B4GALNT3: variants seen among roughly 807,000 people sequenced by gnomAD.
B4GALNT3 encodes the protein beta-1,4-N-acetylgalactosaminyltransferase 3.
B4GALNT3 carries 86 observed loss-of-function variants against 120.2 expected under a neutral mutation model. The observed-to-expected ratio is 0.72, with a 90% CI of 0.60 to 0.86. The LOEUF is 0.86. Among genes scored for constraint, B4GALNT3 ranks in the 40% least tolerant of loss-of-function variants. B4GALNT3 has a pLI of 0.00. For synonymous variants in B4GALNT3, 518 were observed against 510.4 expected (o/e 1.01, Z -0.20); for missense variants, 1,167 against 1,298.9 (o/e 0.90, Z 1.56).
Position 544,332 on chromosome 12 carries a change from C to A in B4GALNT3, c.352-7C>A. 2 of 1,613,210 alleles carry A rather than the reference C, an allele frequency of 1.2e-6. No individual in the cohort carries two copies. The highest frequency in any genetic ancestry group is 1.7e-6 in the Non-Finnish European group (2 of 1,179,844). ...GCTCACTCACCACTGGCGTCTCCGC[C>A]CTGCAGTTCCGGGGCCGTGCCAACC... is the stretch of plus-strand genomic sequence containing the variant. On this transcript the variant is annotated splice_polypyrimidine_tract_variant and splice_region_variant and intron_variant, in intron 3 of 19. Coordinates refer to ENST00000266383, the MANE Select transcript of B4GALNT3 (RefSeq NM_173593.4).
At chr12:465,220 C>T (rs1397473975) in intron 1 of B4GALNT3, among the ~76,000 whole-genome samples, 2 of 152,166 alleles carry the variant, frequency 1.3e-5, no homozygotes, top group Non-Finnish European at 2.9e-5. Flanking sequence ...CTCCTTTTCA[C>T]GTGTCCGGTT....
At chr12:518,879 C>A (rs1172453085) in intron 1 of B4GALNT3, among the ~76,000 whole-genome samples, 1 of 151,900 alleles carries the variant, frequency 6.6e-6, no homozygotes, top group Non-Finnish European at 1.5e-5. Context: ...TTGGTTGAAT[C>A]CACGGATATG....
intron 1 of B4GALNT3, among the ~76,000 whole-genome samples, chr12:485,693 C>T (rs1036324850): frequency 1.3e-5 from 2 of 152,110 alleles, no homozygotes; most frequent in East Asian, 1.9e-4. Flanking sequence ...CGGAACTGTT[C>T]GTGTAAAATG....
In B4GALNT3 at chr12:548,768, GGT is replaced by G. The variant is rs1439524734; in HGVS notation, c.853+475_853+476del. ...CTACAAAAAATTAAAAAATTAACTG[GGT>G]GTGGTGGCGCATGCCTGTAGTCACA... On this transcript the variant is annotated intron_variant, in intron 9 of 19. Transcript: ENST00000266383. The surrounding 1 kb of genome is among the most constrained non-coding windows in gnomAD (Gnocchi z 4.9). 1.3e-5 allele frequency among the ~76,000 whole-genome samples: 2 copies of G among 152,040 alleles called. No individual in the cohort carries two copies. Among genetic ancestry groups the G allele is most frequent in the Non-Finnish European group, 2.9e-5 (2 of 67,996 alleles).
At chr12:488,548 G>A (rs1019714275) in intron 1 of B4GALNT3, among the ~76,000 whole-genome samples, 2 of 152,202 alleles carry the variant, frequency 1.3e-5, no homozygotes, top group Non-Finnish European at 2.9e-5. Context: ...GGAATATTTT[G>A]TTATTGTAAA....
chr12:527,675 A>T (rs1011341591), intron 1 of B4GALNT3, among the ~76,000 whole-genome samples: 4 of 151,968 alleles, frequency 2.6e-5, no homozygotes, highest in African/African-American at 9.7e-5. Context: ...GCTGGGAGGG[A>T]GCATGAGATG....
At chr12:474,794 C>CA (rs1487608332) in intron 1 of B4GALNT3, among the ~76,000 whole-genome samples, 1 of 151,800 alleles carries the variant, frequency 6.6e-6, no homozygotes, top group Non-Finnish European at 1.5e-5. Flanking sequence ...ACCCTGTCTA[C>CA]AAAAAATATA....
intron 1 of B4GALNT3, among the ~76,000 whole-genome samples, chr12:492,365 C>T (rs1946350387): frequency 6.6e-6 from 1 of 152,284 alleles, no homozygotes; most frequent in South Asian, 2.1e-4. Flanking sequence ...TTAATATTCA[C>T]ATTAGCATCC....
chr12:545,532 A>G, intron 6 of B4GALNT3, 63 bp downstream of exon 6: 2 of 1,454,702 alleles, frequency 1.4e-6, no homozygotes, highest in South Asian at 1.2e-5. Flanking sequence ...TGAGTCCTCC[A>G]GCAGCTGCTC....
At chr12:558,191 GA>G (rs1947182191) in intron 17 of B4GALNT3, 103 bp downstream of exon 17, 18 of 1,300,960 alleles carry the variant, frequency 1.4e-5, no homozygotes, top group Non-Finnish European at 1.9e-5. Flanking sequence ...GGGAGGACGG[GA>G]ATGAGGACAC....
At position 544,112 on chromosome 12, in the gene B4GALNT3, G is replaced by A. The variant is rs554564563; in HGVS notation, c.352-227G>A. On this transcript the variant is annotated intron_variant, in intron 3 of 19. Transcript: ENST00000266383. ...GGGTGCTCATCTTCCTGGAGCTGAG[G>A]AGCTGGGACGGGCATGGGGTGCTCA... Among the ~76,000 whole-genome samples, 5 of 130,770 alleles carry A rather than the reference G, an allele frequency of 3.8e-5. No homozygotes were observed. In the East Asian group the frequency reaches 1.0e-3, roughly 27 times the overall value. The allele number at this position is 130,770 out of a possible 152,430, so 85.8% of individuals were successfully genotyped here. A position where few individuals can be genotyped will look rare whatever the true frequency, so the allele number is the denominator to read the frequency against.
intron 1 of B4GALNT3, among the ~76,000 whole-genome samples, chr12:500,297 C>T (rs1216881446): frequency 1.3e-5 from 2 of 152,188 alleles, no homozygotes; most frequent in African/African-American, 2.4e-5. Flanking sequence ...GCATGAGCCA[C>T]GCCCAGCCAG....
At chr12:511,043 TTTTTTTTTTTTTG>T in intron 1 of B4GALNT3, among the ~76,000 whole-genome samples, 2 of 90,382 alleles carry the variant, frequency 2.2e-5, no homozygotes, top group African/African-American at 4.4e-5. Flanking sequence ...TTTTTTTTTT[TTTTTTTTTTTTTG>T]AGACAGGGTC....
rs377572947 is a variant in B4GALNT3, at chr12:493,990, C to T, written c.169+33445C>T. Among the ~76,000 whole-genome samples, 30 of 152,326 alleles carry T rather than the reference C, an allele frequency of 2.0e-4. No individual in the cohort carries two copies. In the South Asian group the frequency reaches 5.8e-3, roughly 29 times the overall value. On this transcript the variant is annotated intron_variant, in intron 1 of 19. Coordinates refer to ENST00000266383, the MANE Select transcript of B4GALNT3 (RefSeq NM_173593.4). Reference sequence around the variant, plus strand: ...CATCATTAGAAAAAGGCCTGGTTGGCCAGGCACAGTGGCTCATGCTTGTAA... The same window carrying T: ...CATCATTAGAAAAAGGCCTGGTTGGTCAGGCACAGTGGCTCATGCTTGTAA...
At chr12:500,568 A>T (rs1198932203) in intron 1 of B4GALNT3, among the ~76,000 whole-genome samples, 1 of 152,186 alleles carries the variant, frequency 6.6e-6, no homozygotes, top group Non-Finnish European at 1.5e-5. Context: ...TAGTATGGAC[A>T]TTCGGCTGGT....
chr12:489,733 T>C (rs1410181067), intron 1 of B4GALNT3, among the ~76,000 whole-genome samples: 1 of 152,186 alleles, frequency 6.6e-6, no homozygotes, highest in Non-Finnish European at 1.5e-5. Context: ...AAAGACATAA[T>C]TGAACTTAAC....
intron 15 of B4GALNT3, among the ~76,000 whole-genome samples, chr12:557,279 C>T (rs746044913): frequency 2.0e-5 from 3 of 152,020 alleles, no homozygotes; most frequent in Non-Finnish European, 4.4e-5. Context: ...GATAGGACGA[C>T]GATACTAAGA....
chr12:468,802 T>C (rs1351274198), intron 1 of B4GALNT3, among the ~76,000 whole-genome samples: 1 of 152,344 alleles, frequency 6.6e-6, no homozygotes, highest in East Asian at 1.9e-4. Context: ...CCATTTCTTC[T>C]TTGAAATTGT....
intron 1 of B4GALNT3, among the ~76,000 whole-genome samples, chr12:475,707 C>T (rs940340513): frequency 6.6e-6 from 1 of 152,170 alleles, no homozygotes; most frequent in Non-Finnish European, 1.5e-5. Flanking sequence ...CTTTCTGGAA[C>T]TTGTGTTGCA....
Sources: gnomAD v4.1 joint callset for allele counts (sites outside exome capture counted in the v4.1 genomes callset) on GRCh38, gnomAD v4.1.1 for gene constraint, Gnocchi (gnomAD v3.1) non-coding constraint, MANE v1.5 for transcripts, NCBI Gene and HGNC (gene_info 2026-07-23, HGNC 2026-07-21) for gene names.